PARVB: variants seen among roughly 807,000 people sequenced by gnomAD.
PARVB encodes the protein parvin beta, also known as beta-parvin.
Under a neutral mutation model 47.0 loss-of-function variants are expected in PARVB, and 46 were observed. That is an observed-to-expected ratio of 0.98 (90% CI 0.77 to 1.25). The LOEUF is 1.25. Among genes scored for constraint, PARVB ranks in the 50% most tolerant of loss-of-function variants. The pLI is 0.00. For synonymous variants in PARVB, 196 were observed against 196.3 expected, an observed-to-expected ratio of 1.00 and a Z score of 0.01; for missense variants, 473 against 471.6, an observed-to-expected ratio of 1.00 and a Z score of -0.03.
chr22:44,091,494 G>A (rs189355848), intron 1 of PARVB, among the ~76,000 whole-genome samples: 94 of 151,870 alleles, frequency 6.2e-4, no homozygotes, highest in Non-Finnish European at 1.0e-3. Flanking sequence ...TACTTCCCCC[G>A]CCCCTGGCAT....
chr22:44,069,636 C>T (rs1442269853), intron 1 of PARVB, among the ~76,000 whole-genome samples: 1 of 152,176 alleles, frequency 6.6e-6, no homozygotes, highest in Non-Finnish European at 1.5e-5. Context: ...TCAAGTGATC[C>T]TCCTGCCTCA....
At chr22:43,999,684 G>A (rs575190167) in intron 2 of PARVB, 2 of 1,603,152 alleles carry the variant, frequency 1.2e-6, no homozygotes, top group Admixed American at 3.3e-5. Context: ...GTAAGTTTTG[G>A]GGGAAAAACT....
chr22:44,046,229 G>T (rs1340472135), intron 1 of PARVB, among the ~76,000 whole-genome samples: 1 of 152,216 alleles, frequency 6.6e-6, no homozygotes, highest in Non-Finnish European at 1.5e-5. Flanking sequence ...CTGCAGCCTT[G>T]TCTTGCACTG....
chr22:44,134,782 C>T (rs2147170350), intron 6 of PARVB, among the ~76,000 whole-genome samples: 1 of 152,324 alleles, frequency 6.6e-6, no homozygotes, highest in Non-Finnish European at 1.5e-5. Context: ...GCCTTATTTA[C>T]TGCCTGGCCA....
At chr22:44,000,352 G>C (rs906065811) in intron 2 of PARVB, among the ~76,000 whole-genome samples, 3 of 152,246 alleles carry the variant, frequency 2.0e-5, no homozygotes, top group African/African-American at 7.2e-5. Context: ...CCAGCCGTAT[G>C]ACCTTGAGCA....
intron 4 of PARVB, among the ~76,000 whole-genome samples, chr22:44,122,045 C>T (rs1341324505): frequency 6.6e-6 from 1 of 152,160 alleles, no homozygotes; most frequent in Non-Finnish European, 1.5e-5. Flanking sequence ...TTTGAGTGGT[C>T]ATGTCATCCA....
In PARVB at chr22:44,155,137, A is replaced by C. The variant is rs1178299061; in HGVS notation, c.844-2845A>C. Among the ~76,000 whole-genome samples, 2 of 151,960 alleles carry C rather than the reference A, an allele frequency of 1.3e-5. No homozygotes were observed. The highest frequency in any genetic ancestry group is 4.8e-5 in the African/African-American group (2 of 41,366). ...TTTCCAAACCATTCTTACATTGCGG[A>C]CAGCGTCCCAGCTCTGTGATGGTGA... On this transcript the variant is annotated intron_variant, in intron 10 of 12. Transcript: ENST00000338758. The surrounding 1 kb of genome is among the most constrained non-coding windows in gnomAD (Gnocchi z 4.8).
chr22:44,042,098 A>G (rs2051029554), intron 1 of PARVB, among the ~76,000 whole-genome samples: 1 of 152,094 alleles, frequency 6.6e-6, no homozygotes, highest in Non-Finnish European at 1.5e-5. Flanking sequence ...CAATGAGGCC[A>G]TATGACATAT....
rs11913388 is a variant in PARVB, at chr22:44,006,562, T to G, written c.211+6889T>G. Reference sequence around the variant, plus strand: ...ATCACTTGAGCCCAGAAGGCAGAGGTTGCAGTGAGCCGAGATCGTGCCACT... The same window carrying G: ...ATCACTTGAGCCCAGAAGGCAGAGGGTGCAGTGAGCCGAGATCGTGCCACT... On this transcript the variant is annotated intron_variant, in intron 2 of 13. Coordinates refer to the PARVB transcript ENST00000406477. 5.4e-3 allele frequency among the ~76,000 whole-genome samples: 826 copies of G among 152,232 alleles called. 14 individuals are homozygous for G. The highest frequency in any genetic ancestry group is 0.019 in the African/African-American group (778 of 41,542).
chr22:44,132,220 G>T (rs2053343120), intron 5 of PARVB, among the ~76,000 whole-genome samples: 1 of 152,150 alleles, frequency 6.6e-6, no homozygotes, highest in Non-Finnish European at 1.5e-5. Context: ...GCTCTCAGTG[G>T]TAGGCAGGAG....
intron 1 of PARVB, among the ~76,000 whole-genome samples, chr22:44,032,614 G>C (rs1015983582): frequency 1.3e-5 from 2 of 152,108 alleles, no homozygotes; most frequent in Non-Finnish European, 2.9e-5. Flanking sequence ...AGCACTTGTG[G>C]TGTAAGGAAG....
At chr22:44,007,018 G>A (rs749911353) in intron 2 of PARVB, among the ~76,000 whole-genome samples, 5 of 152,198 alleles carry the variant, frequency 3.3e-5, no homozygotes, top group South Asian at 2.1e-4. Flanking sequence ...TCTGCTGCGC[G>A]GATGCAAAAG....
intron 12 of PARVB, among the ~76,000 whole-genome samples, chr22:44,167,183 C>T (rs1204381643): frequency 2.0e-5 from 3 of 152,222 alleles, no homozygotes; most frequent in Admixed American, 6.5e-5. Flanking sequence ...CGACCCTGCT[C>T]TTAAGGAGGC....
At chr22:44,126,198 T>C (rs1172514052) in intron 4 of PARVB, among the ~76,000 whole-genome samples, 1 of 152,198 alleles carries the variant, frequency 6.6e-6, no homozygotes, top group East Asian at 1.9e-4. Flanking sequence ...AAGAGGGTGT[T>C]CCAAATTTTA....
At chr22:44,044,146 C>T (rs948351390) in intron 1 of PARVB, among the ~76,000 whole-genome samples, 2 of 151,120 alleles carry the variant, frequency 1.3e-5, no homozygotes, top group Non-Finnish European at 2.9e-5. Flanking sequence ...TAGGGGCCCA[C>T]AAATGGTCAA....
intron 1 of PARVB, chr22:44,026,420 G>C (rs1272345867): frequency 1.2e-6 from 1 of 844,860 alleles, no homozygotes; most frequent in East Asian, 1.2e-4. Flanking sequence ...TGGGGTGCCT[G>C]GCAAACAGAG....
intron 3 of PARVB, chr22:44,111,298 T>A (rs2052690057): frequency 6.6e-6 from 1 of 152,172 alleles, no homozygotes; most frequent in South Asian, 2.1e-4. Flanking sequence ...TGACTCAAGG[T>A]CACACAGCTA....
At chr22:44,146,101 G>GCGCTCACACAGGCACACACA (rs1332048261) in intron 8 of PARVB, 6 of 151,496 alleles carry the variant, frequency 4.0e-5, no homozygotes, top group Admixed American at 3.3e-4. Context: ...ACGCACACAT[G>GCGCTCACACAGGCACACACA]CGCTCACACA....
chr22:44,100,712 T>C (rs1253566265), intron 3 of PARVB, among the ~76,000 whole-genome samples: 1 of 152,180 alleles, frequency 6.6e-6, no homozygotes, highest in Non-Finnish European at 1.5e-5. Flanking sequence ...TTCTCCAGCG[T>C]GGCTCCTGCT....
Sources: allele counts gnomAD v4.1 joint callset (sites outside exome capture counted in the v4.1 genomes callset), GRCh38; gene constraint gnomAD v4.1.1; non-coding constraint Gnocchi (gnomAD v3.1); transcripts MANE v1.5; gene names NCBI Gene and HGNC (gene_info 2026-07-23, HGNC 2026-07-21).